The following ZC3H6 variants were observed in gnomAD, a reference collection of about 807,000 sequenced individuals.
The protein encoded by ZC3H6 is zinc finger CCCH-type containing 6, also known as zinc finger CCCH domain-containing protein 6.
In ZC3H6, 40 loss-of-function variants were observed where a neutral mutation model predicts 107.7. The observed-to-expected ratio is 0.37, with a 90% CI of 0.29 to 0.48. The LOEUF (loss-of-function observed/expected upper bound fraction) is 0.48, where lower values mean the gene tolerates loss of function less well. Among genes scored for constraint, ZC3H6 ranks in the 20% least tolerant of loss-of-function variants. The pLI is 0.98. For synonymous variants in ZC3H6, 493 were observed against 487.9 expected, an observed-to-expected ratio of 1.01 and a Z score of -0.14; for missense variants, 1,267 against 1,410.4, an observed-to-expected ratio of 0.90 and a Z score of 1.63.
rs1446118581 is a variant in ZC3H6, at chr2:112,335,746, C to T, written c.*3258C>T. 1.2e-4 allele frequency: 19 copies of T among 152,092 alleles called. No individual in the cohort carries two copies. Among genetic ancestry groups the T allele is most frequent in the Admixed American group, 1.2e-3 (19 of 15,268 alleles). The allele number at this position is 152,092 out of a possible 1,614,324, so 9.4% of individuals were successfully genotyped here. On this transcript the variant is annotated 3_prime_UTR_variant, in exon 12 of 12. Transcript: ENST00000409871. ...TTTACGAAGCTTCAGATGACATGCA[C>T]TGGTGACACAACAGTAGAATTTCCT...
At chr2:112,325,259 C>G in intron 11 of ZC3H6, 62 bp downstream of exon 11, 2 of 1,485,918 alleles carry the variant, frequency 1.3e-6, no homozygotes, top group South Asian at 1.2e-5. Flanking sequence ...TTTAAATGGC[C>G]GAGGCAGGTG....
At chr2:112,285,596 G>C (rs903432671) in intron 1 of ZC3H6, among the ~76,000 whole-genome samples, 1 of 151,778 alleles carries the variant, frequency 6.6e-6, no homozygotes, top group African/African-American at 2.4e-5. Flanking sequence ...AACCTCAAGG[G>C]ATCTGCTGGC....
At chr2:112,330,254 C>T (rs375790997) in intron 11 of ZC3H6, among the ~76,000 whole-genome samples, 10 of 152,084 alleles carry the variant, frequency 6.6e-5, no homozygotes, top group African/African-American at 2.2e-4. Context: ...GGGGTTTCAC[C>T]GAGTTAGCCA....
intron 1 of ZC3H6, among the ~76,000 whole-genome samples, chr2:112,289,323 T>C (rs1369270805): frequency 3.0e-5 from 2 of 66,658 alleles, no homozygotes; most frequent in Admixed American, 1.3e-4. Flanking sequence ...TTTCTTTTTC[T>C]TTTTTTTTTT....
rs911919209 is a variant in ZC3H6, at chr2:112,338,213, G to A, written c.*5725G>A. 1 of 152,200 alleles carries A rather than the reference G, an allele frequency of 6.6e-6. No homozygotes were observed. Among genetic ancestry groups the A allele is most frequent in the Admixed American group, 6.5e-5 (1 of 15,270 alleles). 9.4% of individuals were successfully genotyped at this position (152,200 alleles called of 1,614,324 possible). On this transcript the variant is annotated 3_prime_UTR_variant, in exon 12 of 12. Transcript: ENST00000409871. ...GATCTGCCCGCCTCAGCCTCCCAAA[G>A]TGCTGGGATTACAGGCGTGAGCCAC...
intron 7 of ZC3H6, among the ~76,000 whole-genome samples, chr2:112,321,367 TG>T (rs1676797893): frequency 1.2e-5 from 1 of 81,546 alleles, no homozygotes; most frequent in South Asian, 3.4e-4. Context: ...TAGTGATAAA[TG>T]TTTTTTTTCC....
At chr2:112,282,260 G>T (rs1218267452) in intron 1 of ZC3H6, among the ~76,000 whole-genome samples, 6 of 152,200 alleles carry the variant, frequency 3.9e-5, no homozygotes. Context: ...CATCAGTTCA[G>T]AGCGGCCGGA....
At chr2:112,295,594 A>G (rs546336020) in intron 1 of ZC3H6, among the ~76,000 whole-genome samples, 104 of 152,262 alleles carry the variant, frequency 6.8e-4, no homozygotes, top group Non-Finnish European at 1.2e-3. Context: ...TGCTTTCCAC[A>G]TGCGTCCAAA....
Position 112,316,565 on chromosome 2 carries a change from C to T in ZC3H6, c.843C>T (p.Phe281=). Residue 281 remains phenylalanine, a synonymous_variant, in exon 6 of 12, where the codon TTC becomes TTT. Coordinates refer to ENST00000409871, the MANE Select transcript of ZC3H6 (RefSeq NM_198581.3). ...EHKGKQICKY[F]LEGRCIKGDQ... The stretch of plus-strand genomic sequence containing the variant: ...AAGGAAAACAAATCTGTAAATACTT[C>T]CTGGAAGGGAGGTGTATTAAGGTAA... 1 of 1,602,282 alleles carries T rather than the reference C, an allele frequency of 6.2e-7. No individual in the cohort carries two copies. The highest frequency in any genetic ancestry group is 8.5e-7 in the Non-Finnish European group (1 of 1,173,480).
chr2:112,318,668 A>G (rs1301475831), intron 7 of ZC3H6, among the ~76,000 whole-genome samples: 1 of 152,234 alleles, frequency 6.6e-6, no homozygotes, highest in East Asian at 1.9e-4. Context: ...GATGCTGGCA[A>G]TGTCAAAATG....
At chr2:112,303,465 C>T (rs1676422514) in intron 3 of ZC3H6, 114 bp downstream of exon 3, 1 of 693,382 alleles carries the variant, frequency 1.4e-6, no homozygotes, top group East Asian at 3.1e-5. Context: ...GTTGTTCAAT[C>T]ATCACCACTT....
chr2:112,316,722 A>T (rs1676703060), intron 6 of ZC3H6, 136 bp downstream of exon 6: 2 of 590,590 alleles, frequency 3.4e-6, no homozygotes, highest in East Asian at 2.9e-5. Flanking sequence ...TGTATCTTGC[A>T]TGGAAATACC....
Position 112,321,786 on chromosome 2 carries a change from G to C in ZC3H6, c.1007G>C (p.Gly336Ala), listed in dbSNP as rs908047332. 1 of 1,540,926 alleles carries C rather than the reference G, an allele frequency of 6.5e-7. No homozygotes were observed. Among genetic ancestry groups the C allele is most frequent in the Non-Finnish European group, 8.8e-7 (1 of 1,142,046 alleles). The stretch of plus-strand genomic sequence containing the variant: ...TTTCCATGCAAGTTCTATCATAGTG[G>C]AGCAAAATGTTACCAGGGAGACAAC... ...NEFPCKFYHS[G>A]AKCYQGDNCK... is the part of the protein sequence containing the mutation. Residue 336 changes from glycine (G) to alanine (A), a missense_variant, in exon 8 of 12, where the codon GGA (glycine) becomes GCA (alanine). By Grantham distance (60) the Gly-to-Ala change is moderately conservative. Coordinates refer to ENST00000409871, the MANE Select transcript of ZC3H6 (RefSeq NM_198581.3).
chr2:112,303,239 C>T lies in ZC3H6; in HGVS notation c.224C>T (p.Pro75Leu), dbSNP rs781180324. Residue 75 changes from proline (P) to leucine (L), a missense_variant, in exon 3 of 12, where the codon CCA (proline) becomes CTA (leucine). Coordinates refer to ENST00000409871, the MANE Select transcript of ZC3H6 (RefSeq NM_198581.3). ...RKREKHKHNS[P>L]SSDDSSDYSL... ...TTCCCCTCCCTTCAGCATAATTCCC[C>T]ATCTAGTGATGATAGTTCGGACTAC... The T allele has an allele frequency of 1.9e-6, 3 of 1,606,938 alleles. No homozygotes were observed. In the East Asian group the frequency reaches 6.7e-5, roughly 36 times the overall value.
rs911419079 is a variant in ZC3H6, at chr2:112,334,352, A to G, written c.*1864A>G. ...AAATGAAATTTTTAGCAAATCTTTCATTCATGTAGTTTATAATTATTGTGT... is the reference window on the plus strand; with the variant it reads ...AAATGAAATTTTTAGCAAATCTTTCGTTCATGTAGTTTATAATTATTGTGT... On this transcript the variant is annotated 3_prime_UTR_variant, in exon 12 of 12. Coordinates refer to ENST00000409871, the MANE Select transcript of ZC3H6 (RefSeq NM_198581.3). 6.6e-6 allele frequency: 1 copy of G among 152,094 alleles called. No individual in the cohort carries two copies. Among genetic ancestry groups the G allele is most frequent in the African/African-American group, 2.4e-5 (1 of 41,438 alleles). The allele number at this position is 152,094 out of a possible 1,614,324, so 9.4% of individuals were successfully genotyped here. A position where few individuals can be genotyped will look rare whatever the true frequency, so the allele number is the denominator to read the frequency against.
chr2:112,309,094 A>G (rs1676546274), intron 3 of ZC3H6, among the ~76,000 whole-genome samples: 1 of 152,144 alleles, frequency 6.6e-6, no homozygotes, highest in African/African-American at 2.4e-5. Context: ...TAAGCTAAAG[A>G]TGAATTATTT....
chr2:112,298,093 GAC>G (rs1676276147), intron 1 of ZC3H6, among the ~76,000 whole-genome samples: 2 of 152,184 alleles, frequency 1.3e-5, no homozygotes, highest in African/African-American at 2.4e-5. Context: ...CAGTCTGGGT[GAC>G]AGAGTGAGAC....
intron 1 of ZC3H6, among the ~76,000 whole-genome samples, chr2:112,277,315 G>C (rs1686445030): frequency 6.6e-6 from 1 of 152,034 alleles, no homozygotes; most frequent in African/African-American, 2.4e-5. Flanking sequence ...GAAATTCTTA[G>C]AATGGGTTGA....
intron 3 of ZC3H6, among the ~76,000 whole-genome samples, chr2:112,307,955 T>TA (rs765658637): frequency 1.3e-5 from 2 of 152,246 alleles, no homozygotes; most frequent in Non-Finnish European, 2.9e-5. Context: ...GATACTCATC[T>TA]ATTAACAAAG....
Sources: allele counts gnomAD v4.1 joint callset (sites outside exome capture counted in the v4.1 genomes callset), GRCh38; gene constraint gnomAD v4.1.1; transcripts MANE v1.5; gene names NCBI Gene and HGNC (gene_info 2026-07-23, HGNC 2026-07-21).